Variants in SHANK2 observed in about 807,000 individuals in gnomAD.
The protein encoded by SHANK2 is SH3 and multiple ankyrin repeat domains 2.
Under a neutral mutation model 133.7 loss-of-function variants are expected in SHANK2, and 43 were observed. The observed-to-expected ratio is 0.32, with a 90% confidence interval of 0.25 to 0.41. The LOEUF is 0.41. Among genes scored for constraint, SHANK2 ranks in the 10% least tolerant of loss-of-function variants. The pLI is 1.00. For missense variants in SHANK2, 1,994 were observed against 2,235.8 expected (o/e 0.89, Z 2.18); for synonymous variants, 1,017 against 952.8 (o/e 1.07, Z -1.24).
chr11:71,145,562 G>A (rs1952627798), intron 3 of SHANK2, among the ~76,000 whole-genome samples: 3 of 152,184 alleles, frequency 2.0e-5, no homozygotes, highest in South Asian at 4.1e-4. Context: ...GGTGCCTGCT[G>A]GACCGCAAGC....
At chr11:70,515,136 G>A (rs1175539414) in intron 17 of SHANK2, among the ~76,000 whole-genome samples, 1 of 152,156 alleles carries the variant, frequency 6.6e-6, no homozygotes, top group Non-Finnish European at 1.5e-5. Flanking sequence ...GACTTCCCAG[G>A]CTCAGGTGAT....
At chr11:70,482,790 GTAC>G in intron 25 of SHANK2, among the ~76,000 whole-genome samples, 1 of 152,230 alleles carries the variant, frequency 6.6e-6, no homozygotes, top group African/African-American at 2.4e-5. Flanking sequence ...CTCCTTCAGA[GTAC>G]AGCAGGATTC....
At chr11:70,685,020 T>C (rs1340566413) in intron 15 of SHANK2, among the ~76,000 whole-genome samples, 2 of 152,122 alleles carry the variant, frequency 1.3e-5, no homozygotes, top group African/African-American at 4.8e-5. Flanking sequence ...GGGCAAGGCC[T>C]GACCCCAACA....
At chr11:71,082,354 T>C (rs1951312256) in intron 8 of SHANK2, among the ~76,000 whole-genome samples, 2 of 152,312 alleles carry the variant, frequency 1.3e-5, no homozygotes, top group South Asian at 4.1e-4. Context: ...TCTTGGGGCC[T>C]GGACACAGCA....
intron 17 of SHANK2, among the ~76,000 whole-genome samples, chr11:70,592,211 C>T (rs1323894179): frequency 7.2e-5 from 11 of 152,118 alleles, no homozygotes; most frequent in African/African-American, 2.2e-4. Context: ...CTACCTGCTC[C>T]GTCTTCCCTC....
intron 17 of SHANK2, among the ~76,000 whole-genome samples, chr11:70,650,300 A>AG (rs1203659240): frequency 6.6e-6 from 1 of 152,234 alleles, no homozygotes; most frequent in Non-Finnish European, 1.5e-5. Flanking sequence ...ACTGTCACTA[A>AG]GTAATGAGCC....
chr11:71,159,962 G>C (rs12282261), intron 2 of SHANK2, among the ~76,000 whole-genome samples: 72 of 144,726 alleles, frequency 5.0e-4, no homozygotes, highest in Non-Finnish European at 8.3e-4. Flanking sequence ...ACTCCAGCCT[G>C]GGTGGCAGGA....
intron 17 of SHANK2, among the ~76,000 whole-genome samples, chr11:70,579,296 C>G (rs2060154872): frequency 6.6e-6 from 1 of 152,210 alleles, no homozygotes; most frequent in Non-Finnish European, 1.5e-5. Flanking sequence ...ACATGAAACA[C>G]AGATCAAAGT....
chr11:70,740,645 G>A (rs1385022908), intron 14 of SHANK2, among the ~76,000 whole-genome samples: 10 of 152,148 alleles, frequency 6.6e-5, no homozygotes, highest in Non-Finnish European at 1.3e-4. Flanking sequence ...GTCAGCCCAA[G>A]TTTATTTTTA....
intron 2 of SHANK2, among the ~76,000 whole-genome samples, chr11:71,167,756 T>TAC (rs1953202832): frequency 4.1e-5 from 3 of 73,872 alleles, no homozygotes; most frequent in African/African-American, 1.5e-4. Flanking sequence ...GGCAGAGGCG[T>TAC]CCCTCACCTC....
chr11:71,113,227 CACA>C (rs1332921032), intron 5 of SHANK2, 63 bp downstream of exon 5: 26 of 1,395,460 alleles, frequency 1.9e-5, no homozygotes, highest in South Asian at 1.9e-4. Flanking sequence ...CTAAAGATAA[CACA>C]ACAAGATAAC....
chr11:70,847,955 G>T (rs1949021822), intron 11 of SHANK2, among the ~76,000 whole-genome samples: 1 of 152,206 alleles, frequency 6.6e-6, no homozygotes, highest in African/African-American at 2.4e-5. Context: ...GCCCAGGGCT[G>T]CTGAGGTGAC....
At chr11:71,147,378 T>C in intron 2 of SHANK2, 40 bp from the exon 3 acceptor site, 1 of 1,496,254 alleles carries the variant, frequency 6.7e-7, no homozygotes, top group African/African-American at 1.4e-5. Context: ...ACGGGAGATG[T>C]GAAAATGAAA....
intron 15 of SHANK2, among the ~76,000 whole-genome samples, chr11:70,680,971 G>A (rs1945017627): frequency 6.6e-6 from 1 of 152,190 alleles, no homozygotes; most frequent in Non-Finnish European, 1.5e-5. Flanking sequence ...CTCCCTGGGT[G>A]TGAACCATCC....
intron 3 of SHANK2, among the ~76,000 whole-genome samples, chr11:71,119,378 A>T (rs561176483): frequency 6.6e-6 from 1 of 152,284 alleles, no homozygotes; most frequent in African/African-American, 2.4e-5. Context: ...TCAGGAGATC[A>T]AGACCATCCT....
intron 12 of SHANK2, among the ~76,000 whole-genome samples, chr11:70,809,311 T>C (rs1555052719): frequency 6.6e-6 from 1 of 152,200 alleles, no homozygotes; most frequent in African/African-American, 2.4e-5. Flanking sequence ...GGAGGCAGCA[T>C]CAGTCTTTCT....
chr11:70,681,692 C>A lies in SHANK2; in HGVS notation c.1853+16996G>T, dbSNP rs149362229. ...AGCTCCCCAGATTACTCACAGCAAC[C>A]CTCCTGCCCATGCCTTTTGGTTTGG... On this transcript the variant is annotated intron_variant, in intron 15 of 25. Transcript: ENST00000601538. 6.9e-3 allele frequency among the ~76,000 whole-genome samples: 1,053 copies of A among 152,270 alleles called. 9 individuals carry two copies. The highest frequency in any genetic ancestry group is 0.017 in the Middle Eastern group (5 of 294).
chr11:70,739,325 T>A lies in SHANK2; in HGVS notation c.1778-40562A>T, dbSNP rs947178305. Reference sequence around the variant, plus strand: ...ACCCATCTCCACACATCTCCACACATCTCCACCTCCCCACAGAAGGGAGGA... The same window carrying A: ...ACCCATCTCCACACATCTCCACACAACTCCACCTCCCCACAGAAGGGAGGA... On this transcript the variant is annotated intron_variant, in intron 14 of 25. Transcript: ENST00000601538. The surrounding 1 kb of genome is among the most constrained non-coding windows in gnomAD (Gnocchi z 4.3). Among the ~76,000 whole-genome samples, 5 of 151,882 alleles carry A rather than the reference T, an allele frequency of 3.3e-5. No homozygotes were observed. Among genetic ancestry groups the A allele is most frequent in the Non-Finnish European group, 5.9e-5 (4 of 67,982 alleles).
chr11:70,843,489 C>T (rs562430618), intron 11 of SHANK2, among the ~76,000 whole-genome samples: 92 of 152,014 alleles, frequency 6.1e-4, no homozygotes, highest in Middle Eastern at 6.8e-3. Flanking sequence ...GAGTCCTTCA[C>T]AGTGGTTAAG....
Sources: gnomAD v4.1 joint callset for allele counts (sites outside exome capture counted in the v4.1 genomes callset) on GRCh38, gnomAD v4.1.1 for gene constraint, Gnocchi (gnomAD v3.1) non-coding constraint, MANE v1.5 for transcripts, NCBI Gene and HGNC (gene_info 2026-07-23, HGNC 2026-07-21) for gene names.